The following RARB variants were observed in gnomAD, a reference collection of about 807,000 sequenced individuals.
RARB encodes retinoic acid receptor beta.
RARB carries 17 observed loss-of-function variants against 51.9 expected under a neutral mutation model. The observed-to-expected ratio is 0.33, with a 90% CI of 0.22 to 0.49. The LOEUF is 0.49. RARB is among the 20% of genes least tolerant of loss of function. The pLI, the probability that RARB is intolerant of heterozygous loss-of-function variation, is 0.99. For missense variants in RARB, 369 were observed against 550.8 expected (o/e 0.67, Z 3.30); for synonymous variants, 215 against 195.4 (o/e 1.10, Z -0.84).
At chr3:25,515,530 A>C (rs188340534) in intron 3 of RARB, among the ~76,000 whole-genome samples, 2 of 152,362 alleles carry the variant, frequency 1.3e-5, no homozygotes, top group Admixed American at 6.5e-5. Flanking sequence ...GAACAAACCC[A>C]TATGTCTGTC....
At chr3:25,374,061 TC>T (rs2125474041) in intron 5 of RARB, among the ~76,000 whole-genome samples, 1 of 152,276 alleles carries the variant, frequency 6.6e-6, no homozygotes, top group East Asian at 1.9e-4. Flanking sequence ...AAAGTCATGT[TC>T]AAATTGGAAT....
intron 3 of RARB, among the ~76,000 whole-genome samples, chr3:25,129,336 G>C (rs74852370): frequency 6.6e-6 from 1 of 151,978 alleles, no homozygotes; most frequent in Non-Finnish European, 1.5e-5. Flanking sequence ...TAAAGCATCA[G>C]TTACAATTAC....
At position 25,250,828 on chromosome 3, in the gene RARB, T is replaced by C. The variant is rs371963361; in HGVS notation, c.178+76253T>C. Among the ~76,000 whole-genome samples, 34 of 152,192 alleles carry C rather than the reference T, an allele frequency of 2.2e-4. No individual in the cohort carries two copies. In the South Asian group the frequency reaches 6.8e-3, roughly 31 times the overall value. On this transcript the variant is annotated intron_variant, in intron 5 of 11. Coordinates refer to the RARB transcript ENST00000383772. ...ATCTTCAGGCAGCTCCCTGTGTTAG[T>C]CTCAGGACTCACAAGGGTTAAGAGA...
intron 1 of RARB, among the ~76,000 whole-genome samples, chr3:24,843,939 T>TCAGA (rs1459947212): frequency 7.3e-6 from 1 of 137,538 alleles, no homozygotes. Context: ...ACACACACAT[T>TCAGA]CTCTCGGCAC....
At chr3:25,337,713 T>G (rs1479973126) in intron 5 of RARB, among the ~76,000 whole-genome samples, 3 of 152,292 alleles carry the variant, frequency 2.0e-5, no homozygotes, top group East Asian at 3.9e-4. Flanking sequence ...CAGCCACCTC[T>G]AACCCTTTAC....
At chr3:24,951,167 AC>A (rs1044028933) in intron 2 of RARB, among the ~76,000 whole-genome samples, 1 of 152,158 alleles carries the variant, frequency 6.6e-6, no homozygotes, top group Non-Finnish European at 1.5e-5. Context: ...GCACACTCTT[AC>A]CACTCAAGGA....
intron 2 of RARB, among the ~76,000 whole-genome samples, chr3:25,051,544 G>GT (rs141372907): frequency 0.061 from 9,256 of 151,970 alleles, 367 homozygotes; most frequent in Non-Finnish European, 0.095. Context: ...AAAGGAAAAA[G>GT]TTTTATTGTT....
chr3:25,196,261 C>G (rs1473314463), intron 5 of RARB, among the ~76,000 whole-genome samples: 1 of 152,024 alleles, frequency 6.6e-6, no homozygotes, highest in Non-Finnish European at 1.5e-5. Flanking sequence ...TGATGTTCCC[C>G]TTCCTGTGTC....
intron 2 of RARB, among the ~76,000 whole-genome samples, chr3:25,034,924 G>A (rs892240670): frequency 6.6e-6 from 1 of 152,212 alleles, no homozygotes; most frequent in Non-Finnish European, 1.5e-5. Context: ...TTTACACAAA[G>A]TGCTCTTCTG....
At chr3:25,012,774 G>T (rs1697426126) in intron 2 of RARB, among the ~76,000 whole-genome samples, 1 of 151,978 alleles carries the variant, frequency 6.6e-6, no homozygotes, top group African/African-American at 2.4e-5. Context: ...CAAAATTTGT[G>T]CACATAAAAT....
intron 5 of RARB, among the ~76,000 whole-genome samples, chr3:25,367,975 T>A (rs1007594689): frequency 8.5e-5 from 13 of 152,158 alleles, no homozygotes; most frequent in Admixed American, 6.5e-4. Flanking sequence ...AAGTTTTCGG[T>A]GCTCCTCTGT....
At chr3:25,212,577 T>C (rs942339783) in intron 5 of RARB, among the ~76,000 whole-genome samples, 8 of 152,104 alleles carry the variant, frequency 5.3e-5, no homozygotes, top group African/African-American at 1.9e-4. Flanking sequence ...GAGATCGCAC[T>C]ACTGCACTCC....
chr3:25,396,122 TA>T (rs1270662625), intron 5 of RARB, among the ~76,000 whole-genome samples: 5 of 152,200 alleles, frequency 3.3e-5, no homozygotes, highest in African/African-American at 1.2e-4. Context: ...TAGTGACTGT[TA>T]TTTCTCTTCT....
At chr3:24,925,618 C>T (rs1695303409) in intron 2 of RARB, among the ~76,000 whole-genome samples, 1 of 145,600 alleles carries the variant, frequency 6.9e-6, no homozygotes, top group African/African-American at 2.6e-5. Flanking sequence ...TCCACTCTGG[C>T]CTGGGTGACA....
chr3:25,354,074 T>TTGAAAGA (rs2125459179), intron 5 of RARB, among the ~76,000 whole-genome samples: 1 of 148,054 alleles, frequency 6.8e-6, no homozygotes, highest in South Asian at 2.2e-4. Context: ...GGATACTTGA[T>TTGAAAGA]TGAAAGATTC....
intron 3 of RARB, among the ~76,000 whole-genome samples, chr3:25,528,619 C>G (rs908797656): frequency 6.6e-6 from 1 of 152,084 alleles, no homozygotes; most frequent in African/African-American, 2.4e-5. Flanking sequence ...CAGGTGGGAT[C>G]TCAAAGCAGT....
At position 24,913,388 on chromosome 3, in the gene RARB, T is replaced by TTCTC. The variant is rs200133236; in HGVS notation, c.-380+54648_-380+54651dup. 5.3e-3 allele frequency among the ~76,000 whole-genome samples: 727 copies of TTCTC among 137,372 alleles called. 31 individuals carry two copies. The highest frequency in any genetic ancestry group is 0.015 in the Middle Eastern group (4 of 260). 90.1% of individuals were successfully genotyped at this position (137,372 alleles called of 152,430 possible). ...AATGTATGAAGTGACATAGTCTTCT[T>TTCTC]TCTCTCTCTCTCTCTTTTTTTTTTT... is the stretch of plus-strand genomic sequence containing the variant. On this transcript the variant is annotated intron_variant, in intron 2 of 11. Transcript: ENST00000383772.
At chr3:24,906,479 G>A (rs539103741) in intron 2 of RARB, among the ~76,000 whole-genome samples, 3 of 152,230 alleles carry the variant, frequency 2.0e-5, no homozygotes, top group South Asian at 4.1e-4. Flanking sequence ...GTGTGAATTG[G>A]AATACTGCCC....
chr3:25,456,678 TATATAGAGAGAG>T (rs1310066826), intron 1 of RARB, among the ~76,000 whole-genome samples: 1,111 of 110,226 alleles, frequency 0.01, 11 homozygotes, highest in East Asian at 0.032. Flanking sequence ...TATATATATA[TATATAGAGAGAG>T]AGAGAGAGAG....
Sources: allele counts gnomAD v4.1 joint callset (sites outside exome capture counted in the v4.1 genomes callset), GRCh38; gene constraint gnomAD v4.1.1; transcripts MANE v1.5; gene names NCBI Gene and HGNC (gene_info 2026-07-23, HGNC 2026-07-21).